ADK: variants seen among roughly 807,000 people sequenced by gnomAD.
ADK encodes the protein N6,N6-dimethyladenosine kinase.
ADK carries 24 observed loss-of-function variants against 44.7 expected under a neutral mutation model. The observed-to-expected ratio is 0.54, with a 90% confidence interval of 0.39 to 0.76. The LOEUF is 0.76. Ranked by LOEUF, ADK falls within the 30% of genes least tolerant of loss-of-function variation. The probability of loss-of-function intolerance (pLI) is 0.00; values close to 1 mark genes in which losing one functional copy is unlikely to be tolerated. For missense variants in ADK, 321 were observed against 425.1 expected, an observed-to-expected ratio of 0.76 and a Z score of 2.15; for synonymous variants, 128 against 142.6, an observed-to-expected ratio of 0.90 and a Z score of 0.73.
chr10:74,509,895 T>G (rs1848237474), intron 6 of ADK, among the ~76,000 whole-genome samples: 1 of 152,200 alleles, frequency 6.6e-6, no homozygotes, highest in Non-Finnish European at 1.5e-5. Flanking sequence ...TTATCTATGT[T>G]GCCATGAACC....
intron 6 of ADK, among the ~76,000 whole-genome samples, chr10:74,453,153 A>G (rs533045893): frequency 3.9e-5 from 6 of 152,080 alleles, no homozygotes; most frequent in Non-Finnish European, 8.8e-5. Context: ...AGAATTTACT[A>G]AATTTAAAAT....
intron 9 of ADK, among the ~76,000 whole-genome samples, chr10:74,664,368 G>A (rs1854870935): frequency 6.6e-6 from 1 of 152,116 alleles, no homozygotes; most frequent in Non-Finnish European, 1.5e-5. Flanking sequence ...ATTCTAGAAG[G>A]ATATATAAGA....
intron 9 of ADK, among the ~76,000 whole-genome samples, chr10:74,610,419 G>T (rs1432510390): frequency 6.6e-6 from 1 of 152,058 alleles, no homozygotes; most frequent in East Asian, 1.9e-4. Flanking sequence ...GGGGAGGGCT[G>T]AATGGAAAGT....
rs114328752 is a variant in ADK at position 74,691,060 on chromosome 10, T to C, written c.965-17261T>C. 1.4e-3 allele frequency among the ~76,000 whole-genome samples: 210 copies of C among 152,330 alleles called. 3 individuals carry two copies. Among genetic ancestry groups the C allele is most frequent in the African/African-American group, 3.0e-3 (124 of 41,580 alleles). On this transcript the variant is annotated intron_variant, in intron 10 of 10. Transcript: ENST00000539909. ...GCTAGAGATAATGAAAATAAAACCT[T>C]TAAAAAGAATGTAACACCTTTAAGT...
chr10:74,433,369 C>G (rs1254102099), intron 6 of ADK, among the ~76,000 whole-genome samples: 1 of 152,158 alleles, frequency 6.6e-6, no homozygotes, highest in Non-Finnish European at 1.5e-5. Context: ...AAGTGCTTTT[C>G]TAAACTGCTA....
chr10:74,500,716 C>T (rs1357547921), intron 6 of ADK, among the ~76,000 whole-genome samples: 1 of 152,116 alleles, frequency 6.6e-6, no homozygotes, highest in Non-Finnish European at 1.5e-5. Context: ...ATTCCGATGT[C>T]ATGGAGCAAG....
chr10:74,197,997 A>G (rs563341421), intron 1 of ADK, among the ~76,000 whole-genome samples: 13 of 152,204 alleles, frequency 8.5e-5, no homozygotes, highest in Non-Finnish European at 1.8e-4. Context: ...AAAATGTTCC[A>G]TAGTTTTGTG....
At chr10:74,328,920 T>A (rs1841113873) in intron 4 of ADK, among the ~76,000 whole-genome samples, 1 of 151,884 alleles carries the variant, frequency 6.6e-6, no homozygotes, top group Admixed American at 6.6e-5. Context: ...TTCCAAGAGA[T>A]CCAGGGTAGT....
In ADK at chr10:74,372,402, A is replaced by C. The variant is rs192090342; in HGVS notation, c.274-21739A>C. 38 of 720,920 alleles carry C rather than the reference A, an allele frequency of 5.3e-5. No individual in the cohort carries two copies. In the Admixed American group the frequency reaches 6.8e-4, roughly 13 times the overall value. The allele number at this position is 720,920 out of a possible 1,614,324, so 44.7% of individuals were successfully genotyped here. The stretch of plus-strand genomic sequence containing the variant: ...GGCCATTGAATGGGTAGGAGCAAAC[A>C]CTGAAAGGTCTTAAGCTGTTATTGC... On this transcript the variant is annotated intron_variant, in intron 4 of 10. Transcript: ENST00000539909.
rs375984437 is a variant in ADK, at chr10:74,200,834, G to A, written c.136G>A (p.Asp46Asn). The A allele has an allele frequency of 1.9e-6, 3 of 1,594,492 alleles. No homozygotes were observed. In the African/African-American group the frequency reaches 4.0e-5, roughly 21 times the overall value. ...ISAVVDKDFLDKYSLKPNDQI... is the reference protein window; with the variant it reads ...ISAVVDKDFLNKYSLKPNDQI... ...TGCTGTAGTGGACAAAGATTTCCTT[G>A]ATAAGTAAGTATTAAACTCTTCATA... is the stretch of plus-strand genomic sequence containing the variant. Residue 46 changes from aspartate to asparagine, a missense_variant, in exon 2 of 11, where the codon GAT (aspartate) becomes AAT (asparagine). Coordinates refer to ENST00000539909, the MANE Select transcript of ADK (RefSeq NM_006721.4).
At position 74,151,245 on chromosome 10, in the gene ADK, G is replaced by A; in HGVS notation, c.-34G>A. ...GACCAGAGAGTGGATGGCAGAGGTG[G>A]GCTGTAGAGCCAAAGTGGGGTGGGA... On this transcript the variant is annotated 5_prime_UTR_variant, in exon 1 of 11. Coordinates refer to ENST00000539909, the MANE Select transcript of ADK (RefSeq NM_006721.4). 1 of 1,549,336 alleles carries A rather than the reference G, an allele frequency of 6.5e-7. No homozygotes were observed. Among genetic ancestry groups the A allele is most frequent in the Non-Finnish European group, 8.7e-7 (1 of 1,146,598 alleles).
intron 10 of ADK, among the ~76,000 whole-genome samples, chr10:74,672,995 T>C (rs1186415060): frequency 6.6e-6 from 1 of 152,198 alleles, no homozygotes; most frequent in East Asian, 1.9e-4. Context: ...TAAACATTTA[T>C]GTAAATCTCA....
At chr10:74,597,952 A>G (rs1851979174) in intron 8 of ADK, among the ~76,000 whole-genome samples, 1 of 152,168 alleles carries the variant, frequency 6.6e-6, no homozygotes, top group African/African-American at 2.4e-5. Flanking sequence ...TTTTGTAATG[A>G]ATATCTTAGG....
At chr10:74,259,142 G>A (rs1170891514) in intron 3 of ADK, among the ~76,000 whole-genome samples, 2 of 151,454 alleles carry the variant, frequency 1.3e-5, no homozygotes, top group East Asian at 1.9e-4. Context: ...AAGAGGTTTC[G>A]CCATGTTGGC....
At chr10:74,349,999 A>G (rs990590793) in intron 4 of ADK, among the ~76,000 whole-genome samples, 8 of 152,200 alleles carry the variant, frequency 5.3e-5, no homozygotes, top group African/African-American at 1.4e-4. Context: ...TATGAGATCA[A>G]TGAGACAGAA....
intron 7 of ADK, among the ~76,000 whole-genome samples, chr10:74,588,900 A>G (rs1453001829): frequency 6.6e-6 from 1 of 152,204 alleles, no homozygotes; most frequent in Non-Finnish European, 1.5e-5. Context: ...TTATACATTT[A>G]TTAGCAGGCA....
intron 10 of ADK, among the ~76,000 whole-genome samples, chr10:74,670,786 T>A (rs555785545): frequency 6.6e-6 from 1 of 152,152 alleles, no homozygotes; most frequent in Admixed American, 6.6e-5. Context: ...AAATTTTATG[T>A]GAACTAATGA....
At chr10:74,195,795 G>C (rs1843121697) in intron 1 of ADK, among the ~76,000 whole-genome samples, 1 of 135,602 alleles carries the variant, frequency 7.4e-6, no homozygotes, top group Non-Finnish European at 1.5e-5. Context: ...TTCCACCTCA[G>C]CTTCCCTAGT....
Position 74,709,009 on chromosome 10 carries a change from A to T in ADK, c.*564A>T, listed in dbSNP as rs776044168. ...TTTAATGTGCACTCAAACATGTAAT[A>T]AACTTTGGATAATTAAATAATGTGC... On this transcript the variant is annotated 3_prime_UTR_variant, in exon 11 of 11. Transcript: ENST00000539909. The T allele has an allele frequency of 1.3e-5, 2 of 153,528 alleles. No individual in the cohort carries two copies. Among genetic ancestry groups the T allele is most frequent in the African/African-American group, 4.8e-5 (2 of 41,464 alleles). The allele number at this position is 153,528 out of a possible 1,614,324, so 9.5% of individuals were successfully genotyped here. A position where few individuals can be genotyped will look rare whatever the true frequency, so the allele number is the denominator to read the frequency against.
Sources: allele counts gnomAD v4.1 joint callset (sites outside exome capture counted in the v4.1 genomes callset), GRCh38; gene constraint gnomAD v4.1.1; transcripts MANE v1.5; gene names NCBI Gene and HGNC (gene_info 2026-07-23, HGNC 2026-07-21).